Variants in MAP3K2 observed in about 807,000 individuals in gnomAD.
MAP3K2 encodes the protein mitogen-activated protein kinase kinase kinase 2.
A neutral mutation model predicts 80.3 loss-of-function variants in MAP3K2; 24 were observed. The ratio of observed to expected loss-of-function variants is 0.30; its 90% CI spans 0.22 to 0.42. The LOEUF is 0.42. MAP3K2 is among the 10% of genes least tolerant of loss of function. The pLI is 1.00. For synonymous variants in MAP3K2, 244 were observed against 253.7 expected (o/e 0.96, Z 0.36); for missense variants, 608 against 750.1 (o/e 0.81, Z 2.21).
Position 127,364,786 on chromosome 2 carries a change from C to T in MAP3K2, c.-65-21592G>A, listed in dbSNP as rs1168855931. On this transcript the variant is annotated intron_variant, in intron 1 of 16. Transcript: ENST00000682094. This position sits in a 1 kb window ranked among gnomAD's most constrained non-coding sequence, Gnocchi z 4.1. ...TCCCCTCATCTTTAAAAATATACCC[C>T]TCCTATTTCTCAATCTCTTCTCATT... 6.6e-6 allele frequency among the ~76,000 whole-genome samples: 1 copy of T among 152,040 alleles called. No individual in the cohort carries two copies. Among genetic ancestry groups the T allele is most frequent in the African/African-American group, 2.4e-5 (1 of 41,382 alleles).
chr2:127,367,776 G>C (rs1686997387), intron 1 of MAP3K2, among the ~76,000 whole-genome samples: 1 of 152,158 alleles, frequency 6.6e-6, no homozygotes, highest in African/African-American at 2.4e-5. Context: ...CTGGGTGACA[G>C]AGTGAGACTC....
intron 7 of MAP3K2, among the ~76,000 whole-genome samples, chr2:127,327,813 C>A (rs1205114413): frequency 2.6e-5 from 4 of 152,192 alleles, no homozygotes; most frequent in Non-Finnish European, 5.9e-5. Flanking sequence ...CAATAAAAGA[C>A]CACTAATTCT....
In MAP3K2 at chr2:127,317,747, A is replaced by T; in HGVS notation, c.1208T>A (p.Leu403His). 1 of 1,602,038 alleles carries T rather than the reference A, an allele frequency of 6.2e-7. No individual in the cohort carries two copies. The highest frequency in any genetic ancestry group is 1.1e-5 in the South Asian group (1 of 88,912). ...TTTCAGCAACTGAATTTCACACTCA[A>T]GTGCATTTACTTCCTGAAAGAGAGA... is the stretch of plus-strand genomic sequence containing the variant. Reference protein sequence around the residue: ...SPETSKEVNALECEIQLLKNL... With the variant: ...SPETSKEVNAHECEIQLLKNL... The change falls in exon 14 of 17, where the codon CTT becomes CAT. Residue 403 changes from leucine (L) to histidine (H), a missense_variant. Leu to His is a moderately conservative substitution (Grantham distance 99). This residue lies in a region of MAP3K2 where 467 missense variants were observed against 521.9 expected (regional missense o/e 0.89). Transcript: ENST00000682094.
intron 14 of MAP3K2, among the ~76,000 whole-genome samples, 159 bp from the exon 15 acceptor site, chr2:127,315,042 A>C (rs1685875130): frequency 6.6e-6 from 1 of 152,222 alleles, no homozygotes; most frequent in Non-Finnish European, 1.5e-5. Context: ...CTGTTTTTAA[A>C]GTATTTTATT....
Position 127,387,917 on chromosome 2 carries a change from C to A in MAP3K2, c.-531G>T. 1.0e-6 allele frequency: 1 copy of A among 982,184 alleles called. No individual in the cohort carries two copies. Among genetic ancestry groups the A allele is most frequent in the Non-Finnish European group, 1.2e-6 (1 of 827,266 alleles). 60.8% of individuals were successfully genotyped at this position (982,184 alleles called of 1,614,324 possible). On this transcript the variant is annotated 5_prime_UTR_variant, in exon 1 of 17. Transcript: ENST00000682094. ...CTGCGCCCAGCGGCCGCGGCACCCT[C>A]GTCAGGCGCCGCCGCTGAGGGCAGG...
At chr2:127,379,714 T>C (rs541837815) in intron 1 of MAP3K2, among the ~76,000 whole-genome samples, 1 of 152,304 alleles carries the variant, frequency 6.6e-6, no homozygotes, top group East Asian at 1.9e-4. Flanking sequence ...TGATGAAAGA[T>C]ATATTACACA....
At position 127,298,952 on chromosome 2, in the gene MAP3K2, T is replaced by TA. The variant is rs1685537881; in HGVS notation, c.*8626_*8627insT. On this transcript the variant is annotated 3_prime_UTR_variant, in exon 17 of 17. Coordinates refer to ENST00000682094, the MANE Select transcript of MAP3K2 (RefSeq NM_001371910.2). ...GGTTTCTTTTATATTAGATTTTTTT[T>TA]TAAAAAAAAGCTATTTACCAGCAAG... 2 of 151,878 alleles carry TA rather than the reference T, an allele frequency of 1.3e-5. No individual in the cohort carries two copies. Among genetic ancestry groups the TA allele is most frequent in the African/African-American group, 4.8e-5 (2 of 41,382 alleles). The allele number at this position is 151,878 out of a possible 1,614,324, so 9.4% of individuals were successfully genotyped here. A position where few individuals can be genotyped will look rare whatever the true frequency, so the allele number is the denominator to read the frequency against.
chr2:127,312,674 A>G (rs1207603713), intron 15 of MAP3K2, among the ~76,000 whole-genome samples: 22 of 152,068 alleles, frequency 1.4e-4, no homozygotes. Context: ...ATAAAAAAAC[A>G]AACAAAGGCC....
In MAP3K2 at chr2:127,322,361, A is replaced by T; in HGVS notation, c.839-109T>A. 1 of 655,040 alleles carries T rather than the reference A, an allele frequency of 1.5e-6. No homozygotes were observed. The highest frequency in any genetic ancestry group is 2.6e-6 in the Non-Finnish European group (1 of 387,922). 40.6% of individuals were successfully genotyped at this position (655,040 alleles called of 1,614,324 possible). On this transcript the variant is annotated intron_variant, in intron 11 of 16. Transcript: ENST00000682094. The surrounding 1 kb of genome is among the most constrained non-coding windows in gnomAD (Gnocchi z 4.2). The stretch of plus-strand genomic sequence containing the variant: ...TAGAAATTTGTCCTGTGACTAGGCT[A>T]AGAAACTCAAATAGGAATGATTGGG...
intron 1 of MAP3K2, among the ~76,000 whole-genome samples, chr2:127,386,880 G>A (rs1359631844): frequency 6.6e-6 from 1 of 152,096 alleles, no homozygotes; most frequent in Non-Finnish European, 1.5e-5. Flanking sequence ...AAGCCTTCCT[G>A]GATTACTACC....
rs556181385 is a variant in MAP3K2, at chr2:127,331,559, T to A, written c.265-1054A>T. Among the ~76,000 whole-genome samples the A allele has an allele frequency of 1.4e-4, 21 of 152,352 alleles. 1 individual carries two copies. In the South Asian group the frequency reaches 4.4e-3, roughly 32 times the overall value. On this transcript the variant is annotated intron_variant, in intron 5 of 16. Transcript: ENST00000682094. ...TCAATCTGAACCCAAACCCACTAGCTGGCATGGTGTATGTTCATTCTGCAG... is the reference window on the plus strand; with the variant it reads ...TCAATCTGAACCCAAACCCACTAGCAGGCATGGTGTATGTTCATTCTGCAG...
In MAP3K2 at chr2:127,364,261, G is replaced by A. The variant is rs914541393; in HGVS notation, c.-65-21067C>T. On this transcript the variant is annotated intron_variant, in intron 1 of 16. Coordinates refer to ENST00000682094, the MANE Select transcript of MAP3K2 (RefSeq NM_001371910.2). The surrounding 1 kb of genome is among the most constrained non-coding windows in gnomAD (Gnocchi z 4.1). ...AAACAATTTACCCAGGAAACCATTCGGATAACCAAAAGAAGCAAATAGATA... is the reference window on the plus strand; with the variant it reads ...AAACAATTTACCCAGGAAACCATTCAGATAACCAAAAGAAGCAAATAGATA... 6.6e-6 allele frequency among the ~76,000 whole-genome samples: 1 copy of A among 151,972 alleles called. No homozygotes were observed. Among genetic ancestry groups the A allele is most frequent in the African/African-American group, 2.4e-5 (1 of 41,362 alleles).
intron 5 of MAP3K2, among the ~76,000 whole-genome samples, chr2:127,333,082 T>A (rs1185446303): frequency 4.7e-5 from 7 of 149,592 alleles, no homozygotes; most frequent in Non-Finnish European, 1.0e-4. Context: ...CAGTAAGCCA[T>A]GACTGTGCCT....
chr2:127,381,792 T>C (rs185763115), intron 1 of MAP3K2, among the ~76,000 whole-genome samples: 15 of 152,322 alleles, frequency 9.8e-5, no homozygotes, highest in African/African-American at 3.6e-4. Context: ...ATATAAAATA[T>C]ATTAAATCAC....
chr2:127,326,066 T>C (rs1686131213), intron 8 of MAP3K2, among the ~76,000 whole-genome samples: 1 of 152,078 alleles, frequency 6.6e-6, no homozygotes, highest in East Asian at 1.9e-4. Flanking sequence ...ACTTCAAAAT[T>C]TCCTAAGAGA....
intron 1 of MAP3K2, among the ~76,000 whole-genome samples, chr2:127,379,337 C>T (rs1483243647): frequency 6.6e-6 from 1 of 152,038 alleles, no homozygotes; most frequent in Non-Finnish European, 1.5e-5. Context: ...ATATGCTAGG[C>T]ACCGTCCTAA....
At chr2:127,314,996 A>T (rs750945324) in intron 14 of MAP3K2, 113 bp from the exon 15 acceptor site, 43 of 702,902 alleles carry the variant, frequency 6.1e-5, no homozygotes, top group Non-Finnish European at 9.6e-5. Context: ...TCGTCTAAGC[A>T]TGTCCTACTT....
chr2:127,372,752 T>G (rs994429350), intron 1 of MAP3K2, among the ~76,000 whole-genome samples: 1 of 152,108 alleles, frequency 6.6e-6, no homozygotes. Context: ...TTGGGTAGAA[T>G]AGTGATCTTT....
intron 2 of MAP3K2, among the ~76,000 whole-genome samples, chr2:127,341,122 T>A (rs1231027320): frequency 6.6e-6 from 1 of 151,836 alleles, no homozygotes; most frequent in Non-Finnish European, 1.5e-5. Flanking sequence ...CCCGAGTAGC[T>A]GGGACTACAG....
Sources: gnomAD v4.1 joint callset for allele counts (sites outside exome capture counted in the v4.1 genomes callset) on GRCh38, gnomAD v4.1.1 for gene constraint, gnomAD v4.1.1 regional missense constraint, Gnocchi (gnomAD v3.1) non-coding constraint, MANE v1.5 for transcripts, NCBI Gene and HGNC (gene_info 2026-07-23, HGNC 2026-07-21) for gene names.